The following ASB9 variants were observed in gnomAD, a reference collection of about 807,000 sequenced individuals.
The protein encoded by ASB9 is ankyrin repeat and SOCS box containing 9.
A neutral mutation model predicts 16.6 loss-of-function variants in ASB9; 5 were observed. The ratio of observed to expected loss-of-function variants is 0.30; its 90% CI spans 0.16 to 0.63. The LOEUF is 0.63. Among genes scored for constraint, ASB9 ranks in the 30% least tolerant of loss-of-function variants. The pLI is 0.82. For missense variants in ASB9, 216 were observed against 229.4 expected (o/e 0.94, Z 0.38); for synonymous variants, 100 against 86.4 (o/e 1.16, Z -0.87).
intron 1 of ASB9, among the ~76,000 whole-genome samples, chrX:15,262,220 A>C (rs1008735779): frequency 9.3e-6 from 1 of 107,717 alleles, no homozygotes; most frequent in Non-Finnish European, 1.9e-5. Context: ...TGTCATTTCT[A>C]CTTCTTGCCT....
intron 2 of ASB9, among the ~76,000 whole-genome samples, chrX:15,256,162 TG>T (rs1184063701): frequency 9.0e-6 from 1 of 110,982 alleles, no homozygotes; most frequent in Non-Finnish European, 1.9e-5. Context: ...GAAAATTTTA[TG>T]AAATTCAAAT....
At position 15,250,521 on chromosome X, in the gene ASB9, GT is replaced by G; in HGVS notation, c.476del (p.Asn159ThrfsTer35). 1 of 1,209,239 alleles carries G rather than the reference GT, an allele frequency of 8.3e-7. No homozygotes were observed. The highest frequency in any genetic ancestry group is 1.1e-6 in the Non-Finnish European group (1 of 893,463). ...CCAGGTGGCTGATCTTATGGTCAAT[GT>G]TGCCCCCATAAGCTATAAGAGAGTT... ...CVNSLIAYGG[N>X]IDHKISHLGT... On this transcript the variant is annotated frameshift_variant, in exon 5 of 7. Coordinates refer to ENST00000380488, the MANE Select transcript of ASB9 (RefSeq NM_001031739.3). LOFTEE classifies it high-confidence loss of function.
chrX:15,264,563 G>A (rs932813898), intron 1 of ASB9, among the ~76,000 whole-genome samples: 3 of 111,192 alleles, frequency 2.7e-5, no homozygotes, highest in African/African-American at 6.6e-5. Flanking sequence ...GCAGAAAAAC[G>A]CCTGCAGGTG....
chrX:15,250,671 G>C, intron 4 of ASB9, 107 bp from the exon 5 acceptor site: 1 of 699,472 alleles, frequency 1.4e-6, no homozygotes, highest in African/African-American at 2.1e-5. Flanking sequence ...TTATCCAGGG[G>C]ACCAAAAAGC....
chrX:15,257,662 T>C (rs900408694), intron 2 of ASB9, among the ~76,000 whole-genome samples: 4 of 111,771 alleles, frequency 3.6e-5, no homozygotes, highest in Non-Finnish European at 5.6e-5. Flanking sequence ...TATAAAATCA[T>C]AAGGTAATTA....
In ASB9 at chrX:15,244,373, A is replaced by T; in HGVS notation, c.*133T>A. 1 of 792,635 alleles carries T rather than the reference A, an allele frequency of 1.3e-6. No individual in the cohort carries two copies. 65.3% of individuals were successfully genotyped at this position (792,635 alleles called of 1,213,427 possible). Reference sequence around the variant, plus strand: ...AAAAATTAGTCAAACTCCATAAACAAGTTTATAACAAATACAAATCTAATC... The same window carrying T: ...AAAAATTAGTCAAACTCCATAAACATGTTTATAACAAATACAAATCTAATC... On this transcript the variant is annotated 3_prime_UTR_variant, in exon 7 of 7. Coordinates refer to ENST00000380488, the MANE Select transcript of ASB9 (RefSeq NM_001031739.3).
rs767364681 is a variant in ASB9, at chrX:15,253,202, C to T, written c.283-798G>A. On this transcript the variant is annotated intron_variant, in intron 3 of 6. Coordinates refer to ENST00000380488, the MANE Select transcript of ASB9 (RefSeq NM_001031739.3). The stretch of plus-strand genomic sequence containing the variant: ...TGAACCGAGATCACGCCACTGCACT[C>T]CAGCCTGGGCGACAGAGTGAGACTC... 2.7e-5 allele frequency among the ~76,000 whole-genome samples: 3 copies of T among 110,493 alleles called. No individual in the cohort carries two copies. The East Asian group carries it at 8.6e-4, about 32-fold the overall frequency.
chrX:15,250,320 T>C (rs1925001404), intron 5 of ASB9, 110 bp downstream of exon 5: 10 of 897,232 alleles, frequency 1.1e-5, no homozygotes, highest in Non-Finnish European at 1.4e-5. Flanking sequence ...CCTGACCTTG[T>C]CCAACTCCAT....
intron 2 of ASB9, among the ~76,000 whole-genome samples, chrX:15,256,791 A>AG (rs1925602131): frequency 9.3e-6 from 1 of 107,076 alleles, no homozygotes; most frequent in Non-Finnish European, 1.9e-5. Context: ...AAAAAAAAAA[A>AG]AAAGAAAGAA....
At chrX:15,251,415 TC>T (rs1418154081) in intron 4 of ASB9, among the ~76,000 whole-genome samples, 3 of 112,452 alleles carry the variant, frequency 2.7e-5, no homozygotes, top group East Asian at 2.8e-4. Context: ...GAATCACACT[TC>T]CTTGGTCCAG....
chrX:15,270,163 C>T (rs1301920226), upstream of ASB9: 1 of 227,758 alleles, frequency 4.4e-6, no homozygotes, highest in Non-Finnish European at 7.8e-6. Context: ...ACCCTCCAGC[C>T]CTAAGTCTGC....
At chrX:15,266,814 T>C (rs929983677) in intron 1 of ASB9, among the ~76,000 whole-genome samples, 4 of 109,058 alleles carry the variant, frequency 3.7e-5, no homozygotes, top group East Asian at 5.8e-4. Context: ...CGGGCGCCTG[T>C]AGTCCCAGCT....
intron 1 of ASB9, among the ~76,000 whole-genome samples, chrX:15,267,636 A>G (rs1184785571): frequency 1.0e-5 from 1 of 97,536 alleles, no homozygotes; most frequent in African/African-American, 3.8e-5. Flanking sequence ...CCAGCTACTC[A>G]GGAGGCTGAG....
chrX:15,250,528 C>G lies in ASB9; in HGVS notation c.470G>C (p.Gly157Ala). 8.3e-7 allele frequency: 1 copy of G among 1,209,505 alleles called. No individual in the cohort carries two copies. The highest frequency in any genetic ancestry group is 1.1e-6 in the Non-Finnish European group (1 of 893,897). ...GCTGATCTTATGGTCAATGTTGCCC[C>G]CATAAGCTATAAGAGAGTTGACACA... ...VECVNSLIAY[G>A]GNIDHKISHL... The change falls in exon 5 of 7, where the codon GGG becomes GCG. Residue 157 changes from glycine (G) to alanine (A), a missense_variant. Physicochemically the swap from Gly to Ala is moderately conservative, Grantham distance 60. Transcript: ENST00000380488.
At position 15,245,219 on chromosome X, in the gene ASB9, A is replaced by C. The variant is rs181313039; in HGVS notation, c.761-589T>G. Among the ~76,000 whole-genome samples, 6 of 111,683 alleles carry C rather than the reference A, an allele frequency of 5.4e-5. No individual in the cohort carries two copies. The East Asian group carries it at 1.7e-3, about 32-fold the overall frequency. On this transcript the variant is annotated intron_variant, in intron 6 of 6. Coordinates refer to ENST00000380488, the MANE Select transcript of ASB9 (RefSeq NM_001031739.3). ...AGTTTACATTTTAGGACAGTGGTTCACAACTGGGAGGAGGCTCAGGGAAGG... is the reference window on the plus strand; with the variant it reads ...AGTTTACATTTTAGGACAGTGGTTCCCAACTGGGAGGAGGCTCAGGGAAGG...
intron 6 of ASB9, among the ~76,000 whole-genome samples, chrX:15,246,204 G>A (rs940435838): frequency 9.0e-6 from 1 of 111,518 alleles, no homozygotes; most frequent in African/African-American, 3.3e-5. Flanking sequence ...AAGAAAAGTG[G>A]GATGTCACAG....
At chrX:15,263,431 G>T (rs781242920) in intron 1 of ASB9, among the ~76,000 whole-genome samples, 1 of 111,224 alleles carries the variant, frequency 9.0e-6, no homozygotes, top group Admixed American at 9.6e-5. Flanking sequence ...AGAAACAAGA[G>T]GCTTACAGTC....
chrX:15,258,452 T>C (rs1925741706), intron 2 of ASB9, among the ~76,000 whole-genome samples: 1 of 112,158 alleles, frequency 8.9e-6, no homozygotes, highest in African/African-American at 3.2e-5. Context: ...AGATAGTGGC[T>C]TAGGATAGTA....
chrX:15,262,235 T>C (rs1464797730), intron 1 of ASB9, among the ~76,000 whole-genome samples: 2 of 111,445 alleles, frequency 1.8e-5, no homozygotes, highest in African/African-American at 3.3e-5. Flanking sequence ...TTGCCTATTA[T>C]GAATAATGCT....
Sources: allele counts gnomAD v4.1 joint callset (sites outside exome capture counted in the v4.1 genomes callset), GRCh38; gene constraint gnomAD v4.1.1; transcripts MANE v1.5; gene names NCBI Gene and HGNC (gene_info 2026-07-23, HGNC 2026-07-21).